Variants in INPP5B observed in about 807,000 individuals in gnomAD.
INPP5B encodes type II inositol 1,4,5-trisphosphate 5-phosphatase.
Under a neutral mutation model 118.5 loss-of-function variants are expected in INPP5B, and 90 were observed. The observed-to-expected ratio is 0.76, with a 90% confidence interval of 0.64 to 0.90. The LOEUF (loss-of-function observed/expected upper bound fraction) is 0.90. INPP5B is among the 40% of genes least tolerant of loss of function. INPP5B has a pLI of 0.00. For synonymous variants in INPP5B, 385 were observed against 418.9 expected (o/e 0.92, Z 0.99); for missense variants, 984 against 1,125.6 (o/e 0.87, Z 1.80).
At chr1:37,931,798 T>C in intron 7 of INPP5B, 115 bp downstream of exon 7, 1 of 1,604,764 alleles carries the variant, frequency 6.2e-7, no homozygotes, top group Non-Finnish European at 8.5e-7. Context: ...GTGTGCCCGC[T>C]CCATCAATCG....
rs544300474 is a variant in INPP5B, at chr1:37,945,825, C to G, written c.83G>C (p.Gly28Ala). Residue 28 changes from glycine to alanine, a missense_variant, in exon 3 of 24, where the codon GGG (glycine) becomes GCG (alanine). Transcript: ENST00000373024. ...CAGGAGGCGGCTCTGCCGGCTGTCC[C>G]CCTCACACAGCACACCTTGCACCGC... ...VIAVQGVLCE[G>A]DSRQSRLLGL... 5.6e-6 allele frequency: 9 copies of G among 1,614,022 alleles called. No homozygotes were observed. In the South Asian group the frequency reaches 6.6e-5, roughly 12 times the overall value.
At chr1:37,936,749 G>A (rs2148678135) in intron 6 of INPP5B, among the ~76,000 whole-genome samples, 1 of 148,994 alleles carries the variant, frequency 6.7e-6, no homozygotes, top group South Asian at 2.1e-4. Flanking sequence ...GAGAGACAGA[G>A]TCTCGCTCTG....
intron 16 of INPP5B, 110 bp downstream of exon 16, chr1:37,878,078 C>T (rs778985682): frequency 7.9e-7 from 1 of 1,267,278 alleles, no homozygotes; most frequent in Non-Finnish European, 1.1e-6. Flanking sequence ...CTAAAAGGGG[C>T]TTCTTCCCTC....
At chr1:37,935,727 C>T (rs1307810766) in intron 6 of INPP5B, among the ~76,000 whole-genome samples, 1 of 152,128 alleles carries the variant, frequency 6.6e-6, no homozygotes, top group Non-Finnish European at 1.5e-5. Context: ...GCCAGAGGAA[C>T]TTTTCTAACT....
rs540593660 is a variant in INPP5B, at chr1:37,879,941, G to A, written c.1541+144C>T. On this transcript the variant is annotated intron_variant, in intron 15 of 23. Coordinates refer to ENST00000373024, the MANE Select transcript of INPP5B (RefSeq NM_005540.3). ...GAAGCCTGCTTCATGAGCAGATACT[G>A]AGAGAAAATGTTTGATCAGAGTGCA... The A allele has an allele frequency of 7.7e-4, 380 of 493,850 alleles. 1 individual carries two copies. Among genetic ancestry groups the A allele is most frequent in the Admixed American group, 1.2e-3 (33 of 28,604 alleles). The allele number at this position is 493,850 out of a possible 1,614,324, so 30.6% of individuals were successfully genotyped here.
In INPP5B at chr1:37,924,866, T is replaced by C. The variant is rs1006444810; in HGVS notation, c.532+7047A>G. 2.0e-5 allele frequency among the ~76,000 whole-genome samples: 3 copies of C among 151,872 alleles called. No individual in the cohort carries two copies. In the East Asian group the frequency reaches 5.9e-4, roughly 30 times the overall value. ...CAGCCTGGCCAACATGGTGAAACCCTGTCTCTACTAAAAATATAAAAATTA... is the reference window on the plus strand; with the variant it reads ...CAGCCTGGCCAACATGGTGAAACCCCGTCTCTACTAAAAATATAAAAATTA... On this transcript the variant is annotated intron_variant, in intron 7 of 23. Coordinates refer to ENST00000373024, the MANE Select transcript of INPP5B (RefSeq NM_005540.3).
At chr1:37,917,085 T>C (rs1055301924) in intron 7 of INPP5B, among the ~76,000 whole-genome samples, 1 of 149,960 alleles carries the variant, frequency 6.7e-6, no homozygotes, top group African/African-American at 2.4e-5. Flanking sequence ...AGTCAGGAGT[T>C]CGAGACCAGC....
chr1:37,935,862 C>T (rs985950711), intron 6 of INPP5B, among the ~76,000 whole-genome samples: 4 of 151,202 alleles, frequency 2.6e-5, no homozygotes, highest in Admixed American at 2.0e-4. Context: ...GTCAGGAGAT[C>T]CAGACCATTC....
intron 6 of INPP5B, among the ~76,000 whole-genome samples, chr1:37,938,956 G>A (rs1281327203): frequency 6.6e-6 from 1 of 152,084 alleles, no homozygotes; most frequent in African/African-American, 2.4e-5. Flanking sequence ...CACTTTGGGA[G>A]GCTGAGGTGG....
intron 22 of INPP5B, 148 bp from the exon 23 acceptor site, chr1:37,864,571 A>G: frequency 1.8e-6 from 1 of 545,802 alleles, no homozygotes; most frequent in South Asian, 2.6e-5. Context: ...CATAAGTATC[A>G]AAAGAGAGGT....
Position 37,945,763 on chromosome 1 carries a change from C to G in INPP5B, c.145G>C (p.Glu49Gln), listed in dbSNP as rs774785526. The stretch of plus-strand genomic sequence containing the variant: ...ACCAAGCCCCTCACTCACGCGTGTT[C>G]CTGGCCGCCGTGCTCCAGGCGGTAG... ...VRYRLEHGGQ[E>Q]HALFLYTHRR... The change falls in exon 3 of 24, where the codon GAA (glutamate) becomes CAA (glutamine). Residue 49 changes from glutamate to glutamine, a missense_variant. By Grantham distance (29) the Glu-to-Gln change is conservative (BLOSUM62 2). Around this residue, in one of 2 missense-constraint regions of INPP5B, gnomAD observed 350 missense variants for 334.6 expected, o/e 1.05. Transcript: ENST00000373024. 1.2e-6 allele frequency: 2 copies of G among 1,613,510 alleles called. No homozygotes were observed. The highest frequency in any genetic ancestry group is 2.7e-5 in the African/African-American group (2 of 74,942).
At chr1:37,923,836 C>G (rs1389298304) in intron 7 of INPP5B, among the ~76,000 whole-genome samples, 2 of 151,166 alleles carry the variant, frequency 1.3e-5, no homozygotes, top group South Asian at 4.2e-4. Context: ...AGTGCAGTGG[C>G]GTGATCTCTG....
chr1:37,931,348 A>T, intron 7 of INPP5B: 1 of 1,125,298 alleles, frequency 8.9e-7, no homozygotes, highest in Non-Finnish European at 1.2e-6. Flanking sequence ...AGGATTGAAG[A>T]GCAAGCTCAG....
At chr1:37,889,086 C>A (rs891656100) in intron 9 of INPP5B, among the ~76,000 whole-genome samples, 1 of 152,068 alleles carries the variant, frequency 6.6e-6, no homozygotes, top group Non-Finnish European at 1.5e-5. Flanking sequence ...GACCCTGTCT[C>A]TACAAAAATT....
chr1:37,931,549 C>T (rs1645458910), intron 7 of INPP5B: 7 of 1,537,132 alleles, frequency 4.6e-6, no homozygotes, highest in Non-Finnish European at 5.2e-6. Context: ...CAGAGGGCCA[C>T]CAGGACTTTG....
At chr1:37,898,371 C>T (rs959376679) in intron 7 of INPP5B, among the ~76,000 whole-genome samples, 1 of 152,112 alleles carries the variant, frequency 6.6e-6, no homozygotes, top group Non-Finnish European at 1.5e-5. Flanking sequence ...GTATCTATAG[C>T]TTTCAAAACC....
chr1:37,937,367 C>T (rs1645735534), intron 6 of INPP5B, among the ~76,000 whole-genome samples: 2 of 152,088 alleles, frequency 1.3e-5, no homozygotes, highest in Admixed American at 1.3e-4. Flanking sequence ...CAAGGTAGCT[C>T]ACGCCTGTAA....
chr1:37,940,323 G>GGTTCTAGCTGTGA (rs1420294620), intron 6 of INPP5B, among the ~76,000 whole-genome samples: 1 of 152,166 alleles, frequency 6.6e-6, no homozygotes, highest in Admixed American at 6.6e-5. Context: ...TATGACAGAT[G>GGTTCTAGCTGTGA]GTTCTAGCTG....
At chr1:37,927,728 G>A (rs969859484) in intron 7 of INPP5B, among the ~76,000 whole-genome samples, 61 of 151,680 alleles carry the variant, frequency 4.0e-4, no homozygotes, top group South Asian at 6.3e-4. Context: ...TAGTAGAGAC[G>A]GGGTTTCACC....
Sources: gnomAD v4.1 joint callset for allele counts (sites outside exome capture counted in the v4.1 genomes callset) on GRCh38, gnomAD v4.1.1 for gene constraint, gnomAD v4.1.1 regional missense constraint, MANE v1.5 for transcripts, NCBI Gene and HGNC (gene_info 2026-07-23, HGNC 2026-07-21) for gene names.